The following IL17RD variants were observed in gnomAD, a reference collection of about 807,000 sequenced individuals.
IL17RD encodes the protein interleukin-17 receptor D.
A neutral mutation model predicts 80.5 loss-of-function variants in IL17RD; 52 were observed. That is an observed-to-expected ratio of 0.65 (90% CI 0.52 to 0.81). The LOEUF (loss-of-function observed/expected upper bound fraction) is 0.81. IL17RD is among the 40% of genes least tolerant of loss of function. The pLI, the probability that IL17RD is intolerant of heterozygous loss-of-function variation, is 0.00. For synonymous variants in IL17RD, 416 were observed against 391.8 expected, an observed-to-expected ratio of 1.06 and a Z score of -0.73; for missense variants, 1,024 against 955.1, an observed-to-expected ratio of 1.07 and a Z score of -0.95.
At chr3:57,105,552 A>AAAAAAATATATATATATATATATATAT in intron 7 of IL17RD, among the ~76,000 whole-genome samples, 1 of 63,590 alleles carries the variant, frequency 1.6e-5, no homozygotes, top group African/African-American at 9.3e-5. Context: ...AAAAAAAAAA[A>AAAAAAATATATATATATATATATATAT]ATATATATAT....
intron 1 of IL17RD, among the ~76,000 whole-genome samples, chr3:57,129,029 G>C (rs1285356766): frequency 6.6e-6 from 1 of 152,118 alleles, no homozygotes; most frequent in East Asian, 1.9e-4. Context: ...TATGGACAGA[G>C]AGCCAGACCT....
chr3:57,101,416 T>C, intron 10 of IL17RD, 53 bp from the exon 11 acceptor site: 16 of 1,251,728 alleles, frequency 1.3e-5, no homozygotes, highest in Non-Finnish European at 1.8e-5. Flanking sequence ...CTTTGTTCTA[T>C]TTCCTAAGAA....
At chr3:57,163,505 CA>C (rs2060320608) in intron 1 of IL17RD, among the ~76,000 whole-genome samples, 1 of 152,002 alleles carries the variant, frequency 6.6e-6, no homozygotes, top group Non-Finnish European at 1.5e-5. Context: ...TTGGCAACTG[CA>C]GCAAAACAGT....
In IL17RD at chr3:57,127,333, TATAAA is replaced by T. The variant is rs1559477122; in HGVS notation, c.127-7025_127-7021del. On this transcript the variant is annotated intron_variant, in intron 1 of 12. Coordinates refer to ENST00000296318, the MANE Select transcript of IL17RD (RefSeq NM_017563.5). Reference sequence around the variant, plus strand: ...ATATATAAAAATATATATAAATATATATAAAAATATATATAAATATATATAAATAT... The same window carrying T: ...ATATATAAAAATATATATAAATATATAATATATATAAATATATATAAATAT... Among the ~76,000 whole-genome samples the T allele has an allele frequency of 1.8e-5, 2 of 108,666 alleles. 1 individual carries two copies. Among genetic ancestry groups the T allele is most frequent in the African/African-American group, 8.4e-5 (2 of 23,688 alleles). The allele number at this position is 108,666 out of a possible 152,430, so 71.3% of individuals were successfully genotyped here.
intron 11 of IL17RD, among the ~76,000 whole-genome samples, chr3:57,100,601 G>A (rs1454998534): frequency 1.3e-5 from 2 of 152,078 alleles, no homozygotes; most frequent in African/African-American, 2.4e-5. Flanking sequence ...GGCCAGTGCC[G>A]TCTCCTGCAT....
rs943489723 is a variant in IL17RD at position 57,155,833 on chromosome 3, C to T, written c.126+9328G>A. Among the ~76,000 whole-genome samples, 9 of 152,114 alleles carry T rather than the reference C, an allele frequency of 5.9e-5. No homozygotes were observed. In the South Asian group the frequency reaches 8.3e-4, roughly 14 times the overall value. ...CTTGAACTCCTGACCTCAGGTGATCCGCCTGCCTTGGCCTCCCAAAATGCT... is the reference window on the plus strand; with the variant it reads ...CTTGAACTCCTGACCTCAGGTGATCTGCCTGCCTTGGCCTCCCAAAATGCT... On this transcript the variant is annotated intron_variant, in intron 1 of 12. Transcript: ENST00000296318.
rs544225294 is a variant in IL17RD at position 57,090,848 on chromosome 3, T to C, written c.*5545A>G. ...TGAATCTTCCTGAAATTTTATAGGA[T>C]ATAAACATCAGATATGCAGTCATAA... On this transcript the variant is annotated 3_prime_UTR_variant, in exon 13 of 13. Transcript: ENST00000296318. 1 of 152,372 alleles carries C rather than the reference T, an allele frequency of 6.6e-6. No individual in the cohort carries two copies. Among genetic ancestry groups the C allele is most frequent in the South Asian group, 2.1e-4 (1 of 4,826 alleles). The allele number at this position is 152,372 out of a possible 1,614,324, so 9.4% of individuals were successfully genotyped here.
At chr3:57,133,121 T>C (rs1707647188) in intron 1 of IL17RD, among the ~76,000 whole-genome samples, 1 of 152,220 alleles carries the variant, frequency 6.6e-6, no homozygotes, top group South Asian at 2.1e-4. Context: ...ACACCATCGC[T>C]TACATGATGC....
intron 1 of IL17RD, among the ~76,000 whole-genome samples, chr3:57,164,765 A>G (rs1260029093): frequency 6.6e-6 from 1 of 152,164 alleles, no homozygotes; most frequent in Non-Finnish European, 1.5e-5. Context: ...TTCCCTCTCC[A>G]AAGCGCAACC....
intron 1 of IL17RD, among the ~76,000 whole-genome samples, chr3:57,155,327 T>A (rs1212541080): frequency 6.6e-6 from 1 of 152,128 alleles, no homozygotes; most frequent in Non-Finnish European, 1.5e-5. Context: ...ATTTTTCTCA[T>A]CCACAGCACA....
At chr3:57,126,279 G>A (rs1047649771) in intron 1 of IL17RD, among the ~76,000 whole-genome samples, 3 of 152,158 alleles carry the variant, frequency 2.0e-5, no homozygotes, top group Non-Finnish European at 2.9e-5. Context: ...AGCAAGCCCC[G>A]GCTGTCTGGA....
chr3:57,159,475 C>T (rs932779439), intron 1 of IL17RD, among the ~76,000 whole-genome samples: 3 of 152,174 alleles, frequency 2.0e-5, no homozygotes, highest in East Asian at 3.8e-4. Flanking sequence ...CTGTGGGCCC[C>T]GGAGGAGACA....
chr3:57,098,593 G>A (rs1204165450), intron 11 of IL17RD, 55 bp from the exon 12 acceptor site: 7 of 1,193,368 alleles, frequency 5.9e-6, no homozygotes, highest in Admixed American at 2.2e-5. Flanking sequence ...AGAGGCTCGG[G>A]AAGTGAGTAA....
At chr3:57,141,856 A>AT (rs1477773982) in intron 1 of IL17RD, among the ~76,000 whole-genome samples, 3 of 152,304 alleles carry the variant, frequency 2.0e-5, no homozygotes, top group Non-Finnish European at 4.4e-5. Flanking sequence ...GAAAAGATGG[A>AT]TTTTGTCTTC....
Position 57,101,276 on chromosome 3 carries a change from G to A in IL17RD, c.1067C>T (p.Pro356Leu), listed in dbSNP as rs747082332. Residue 356 changes from proline to leucine, a missense_variant, in exon 11 of 13, where the codon CCG becomes CTG. Transcript: ENST00000296318. Reference protein sequence around the residue: ...ALPRERLRPRPKVFLCYSSKD... With the variant: ...ALPRERLRPRLKVFLCYSSKD... Reference sequence around the variant, plus strand: ...ACTGGAATAGCAGAGAAAGACCTTCGGCCGCGGCCGGAGCCTCTCTCTTGG... The same window carrying A: ...ACTGGAATAGCAGAGAAAGACCTTCAGCCGCGGCCGGAGCCTCTCTCTTGG... 7 of 1,613,318 alleles carry A rather than the reference G, an allele frequency of 4.3e-6. No individual in the cohort carries two copies. Among genetic ancestry groups the A allele is most frequent in the East Asian group, 2.2e-5 (1 of 44,892 alleles).
At chr3:57,144,550 T>G (rs1170906354) in intron 1 of IL17RD, among the ~76,000 whole-genome samples, 1 of 152,234 alleles carries the variant, frequency 6.6e-6, no homozygotes, top group East Asian at 1.9e-4. Context: ...GTACTCTAAG[T>G]CCAGGATCTT....
rs747651301 is a variant in IL17RD, at chr3:57,098,290, C to A, written c.1413G>T (p.Ala471=). 1 of 1,614,016 alleles carries A rather than the reference C, an allele frequency of 6.2e-7. No individual in the cohort carries two copies. Residue 471 remains alanine, a synonymous_variant, in exon 12 of 13, where the codon GCG becomes GCT. Transcript: ENST00000296318. ...LRQAKQSSSA[A]LSKFIAVYFD... ...AGTAGACGGCGATAAACTTGCTGAG[C>A]GCCGCGGACGAACTCTGCTTGGCCT...
At position 57,127,412 on chromosome 3, in the gene IL17RD, A is replaced by ATATTTTT. The variant is rs1246159104; in HGVS notation, c.127-7100_127-7099insAAAAATA. 5.0e-4 allele frequency among the ~76,000 whole-genome samples: 46 copies of ATATTTTT among 91,186 alleles called. 2 individuals are homozygous for ATATTTTT. Among genetic ancestry groups the ATATTTTT allele is most frequent in the African/African-American group, 2.0e-3 (41 of 20,464 alleles). 59.8% of individuals were successfully genotyped at this position (91,186 alleles called of 152,430 possible). ...AATAAATAAATATATATATATATAT[A>ATATTTTT]TTTTTTTTTTGAGATAAGAGTCTTG... On this transcript the variant is annotated intron_variant, in intron 1 of 12. Transcript: ENST00000296318.
chr3:57,102,815 T>C (rs981823020), intron 9 of IL17RD, among the ~76,000 whole-genome samples: 4 of 152,202 alleles, frequency 2.6e-5, no homozygotes, highest in Non-Finnish European at 5.9e-5. Context: ...TAAAATACCT[T>C]TGAGTGAGAA....
Sources: gnomAD v4.1 joint callset for allele counts (sites outside exome capture counted in the v4.1 genomes callset) on GRCh38, gnomAD v4.1.1 for gene constraint, MANE v1.5 for transcripts, NCBI Gene and HGNC (gene_info 2026-07-23, HGNC 2026-07-21) for gene names.